Variants in NAALADL2 observed in about 807,000 individuals in gnomAD.
The protein encoded by NAALADL2 is inactive N-acetylated-alpha-linked acidic dipeptidase-like protein 2.
Under a neutral mutation model 87.2 loss-of-function variants are expected in NAALADL2, and 76 were observed. The observed-to-expected ratio is 0.87, with a 90% CI of 0.72 to 1.05. The LOEUF (loss-of-function observed/expected upper bound fraction) is 1.05, where lower values mean the gene tolerates loss of function less well. NAALADL2 is among the 50% of genes least tolerant of loss of function. The pLI is 0.00. For missense variants in NAALADL2, 1,089 were observed against 945.8 expected, an observed-to-expected ratio of 1.15 and a Z score of -1.99; for synonymous variants, 354 against 331.0, an observed-to-expected ratio of 1.07 and a Z score of -0.75.
intron 2 of NAALADL2, among the ~76,000 whole-genome samples, chr3:175,134,898 A>G (rs1728874168): frequency 6.6e-6 from 1 of 152,226 alleles, no homozygotes; most frequent in South Asian, 2.1e-4. Context: ...CAATTTAACT[A>G]AAGCAACAAT....
chr3:174,857,403 G>A (rs140013495), upstream of NAALADL2, among the ~76,000 whole-genome samples: 141 of 152,146 alleles, frequency 9.3e-4, no homozygotes, highest in African/African-American at 3.1e-3. Flanking sequence ...TTTTGTTATC[G>A]TTTAAGAATA....
intron 1 of NAALADL2, among the ~76,000 whole-genome samples, chr3:174,915,619 A>T (rs1734266173): frequency 6.6e-6 from 1 of 152,160 alleles, no homozygotes; most frequent in Non-Finnish European, 1.5e-5. Context: ...AATTGAGAGG[A>T]AAACAAAATA....
At chr3:175,471,501 G>GAAA in intron 8 of NAALADL2, 138 bp from the exon 9 acceptor site, 4 of 522,106 alleles carry the variant, frequency 7.7e-6, no homozygotes, top group African/African-American at 4.5e-5. Flanking sequence ...AAGAAAGAAA[G>GAAA]AAAAAAAAAA....
At chr3:175,176,488 G>C (rs940333760) in intron 2 of NAALADL2, among the ~76,000 whole-genome samples, 3 of 152,060 alleles carry the variant, frequency 2.0e-5, no homozygotes, top group Admixed American at 2.0e-4. Flanking sequence ...CCAATTGATG[G>C]CCACATTCTA....
intron 2 of NAALADL2, among the ~76,000 whole-genome samples, chr3:175,135,983 A>G (rs1729056732): frequency 6.6e-6 from 1 of 152,298 alleles, no homozygotes; most frequent in Middle Eastern, 3.4e-3. Flanking sequence ...TGCAGACCCA[A>G]AGTTCAAGTG....
At chr3:174,951,700 CT>C (rs1454474447) in intron 1 of NAALADL2, among the ~76,000 whole-genome samples, 1 of 152,060 alleles carries the variant, frequency 6.6e-6, no homozygotes, top group African/African-American at 2.4e-5. Context: ...ATCAATATAA[CT>C]TTGTGTTGCA....
chr3:174,443,675 G>T (rs1179481163), intron 1 of NAALADL2, among the ~76,000 whole-genome samples: 1 of 152,052 alleles, frequency 6.6e-6, no homozygotes. Context: ...AAGATGACCA[G>T]GGACCAGACT....
At chr3:175,260,319 G>A (rs1291971350) in intron 4 of NAALADL2, among the ~76,000 whole-genome samples, 1 of 152,014 alleles carries the variant, frequency 6.6e-6, no homozygotes, top group African/African-American at 2.4e-5. Context: ...CACAAACTTG[G>A]CATTGTCTTC....
At chr3:174,705,942 T>C (rs1730026406) in intron 2 of NAALADL2, among the ~76,000 whole-genome samples, 1 of 152,140 alleles carries the variant, frequency 6.6e-6, no homozygotes, top group Non-Finnish European at 1.5e-5. Flanking sequence ...ATCCCTACTT[T>C]GGTGTTCTTT....
At chr3:174,582,741 C>G (rs946682087) in intron 2 of NAALADL2, among the ~76,000 whole-genome samples, 3 of 152,088 alleles carry the variant, frequency 2.0e-5, no homozygotes, top group Non-Finnish European at 4.4e-5. Context: ...GCCACCATGC[C>G]TGACTAATTT....
intron 13 of NAALADL2, among the ~76,000 whole-genome samples, chr3:175,780,242 C>G (rs1177277237): frequency 6.6e-6 from 1 of 151,430 alleles, no homozygotes; most frequent in Admixed American, 6.6e-5. Flanking sequence ...CGCCACTGCA[C>G]TCCAGCCTGG....
intron 10 of NAALADL2, among the ~76,000 whole-genome samples, chr3:175,588,542 T>C (rs1268568612): frequency 4.5e-5 from 6 of 132,278 alleles, no homozygotes; most frequent in African/African-American, 1.8e-4. Flanking sequence ...TTCTTTTTTT[T>C]TTTTTTTTTT....
chr3:175,568,652 A>G (rs1052879926), intron 9 of NAALADL2, among the ~76,000 whole-genome samples: 2 of 152,214 alleles, frequency 1.3e-5, no homozygotes, highest in African/African-American at 4.8e-5. Flanking sequence ...GCTGTGGGCT[A>G]TTTTGGCAAG....
At chr3:174,466,060 A>G (rs1716513584) in intron 1 of NAALADL2, among the ~76,000 whole-genome samples, 2 of 152,194 alleles carry the variant, frequency 1.3e-5, no homozygotes, top group African/African-American at 4.8e-5. Context: ...CCAGGTCTCA[A>G]GTTCTTTCTG....
chr3:174,506,314 G>A (rs1719203240), intron 1 of NAALADL2, among the ~76,000 whole-genome samples: 1 of 151,632 alleles, frequency 6.6e-6, no homozygotes, highest in Admixed American at 6.6e-5. Context: ...CCGAGTAGCT[G>A]GGATTACAGG....
At chr3:174,795,620 G>A (rs1019507308) in intron 3 of NAALADL2, among the ~76,000 whole-genome samples, 1 of 152,138 alleles carries the variant, frequency 6.6e-6, no homozygotes, top group Non-Finnish European at 1.5e-5. Context: ...CCAAACAGTT[G>A]TCAAAAGTGG....
intron 2 of NAALADL2, among the ~76,000 whole-genome samples, chr3:174,590,967 A>G (rs765102503): frequency 1.1e-4 from 16 of 152,198 alleles, no homozygotes; most frequent in Non-Finnish European, 2.1e-4. Flanking sequence ...CTGAATCCAG[A>G]GAGGTGAACA....
intron 2 of NAALADL2, chr3:174,550,978 T>C (rs1712049467): frequency 6.6e-6 from 1 of 151,994 alleles, no homozygotes; most frequent in Non-Finnish European, 1.5e-5. Context: ...ATAGTGTATG[T>C]GCATTTTATT....
At chr3:174,834,882 T>G (rs6774643) in intron 3 of NAALADL2, among the ~76,000 whole-genome samples, 72 of 151,938 alleles carry the variant, frequency 4.7e-4, no homozygotes, top group African/African-American at 1.4e-3. Context: ...TAGATTTCAT[T>G]TAATCACTGT....
Sources: gnomAD v4.1 joint callset for allele counts (sites outside exome capture counted in the v4.1 genomes callset) on GRCh38, gnomAD v4.1.1 for gene constraint, MANE v1.5 for transcripts, NCBI Gene and HGNC (gene_info 2026-07-23, HGNC 2026-07-21) for gene names.